The following MYO1D variants were observed in gnomAD, a reference collection of about 807,000 sequenced individuals.
MYO1D encodes myosin ID.
In MYO1D, 83 loss-of-function variants were observed where a neutral mutation model predicts 122.0. The ratio of observed to expected loss-of-function variants is 0.68; its 90% CI spans 0.57 to 0.82. The LOEUF (loss-of-function observed/expected upper bound fraction) is 0.82, where lower values mean the gene tolerates loss of function less well. Among genes scored for constraint, MYO1D ranks in the 40% least tolerant of loss-of-function variants. The pLI is 0.00. For missense variants in MYO1D, 1,157 were observed against 1,269.5 expected, an observed-to-expected ratio of 0.91 and a Z score of 1.35; for synonymous variants, 464 against 446.9, an observed-to-expected ratio of 1.04 and a Z score of -0.48.
In MYO1D at chr17:32,812,706, C is replaced by T. The variant is rs566706956; in HGVS notation, c.96-31922G>A. Reference sequence around the variant, plus strand: ...GACAACGGAGAGGACTGCAGAAGTTCCAGCAGACACTGGGCACCAACTTCA... The same window carrying T: ...GACAACGGAGAGGACTGCAGAAGTTTCAGCAGACACTGGGCACCAACTTCA... On this transcript the variant is annotated intron_variant, in intron 1 of 21. Transcript: ENST00000318217. Among the ~76,000 whole-genome samples, 7 of 152,274 alleles carry T rather than the reference C, an allele frequency of 4.6e-5. No homozygotes were observed. In the South Asian group the frequency reaches 6.2e-4, roughly 14 times the overall value.
intron 21 of MYO1D, among the ~76,000 whole-genome samples, chr17:32,500,082 G>C (rs1037817544): frequency 1.4e-4 from 21 of 152,216 alleles, no homozygotes; most frequent in African/African-American, 4.8e-4. Flanking sequence ...GGGAGGGGAG[G>C]CGTCTTACAC....
At chr17:32,874,302 C>CTCTCTCTCTCTCTCTGTGTCTCTG (rs1555550658) in intron 1 of MYO1D, among the ~76,000 whole-genome samples, 10 of 146,282 alleles carry the variant, frequency 6.8e-5, no homozygotes, top group Admixed American at 5.5e-4. Context: ...CTGTCTCTGT[C>CTCTCTCTCTCTCTCTGTGTCTCTG]TCTCTCTCTC....
intron 1 of MYO1D, among the ~76,000 whole-genome samples, chr17:32,851,126 C>A (rs985151089): frequency 1.7e-4 from 26 of 152,114 alleles, no homozygotes; most frequent in Non-Finnish European, 3.5e-4. Flanking sequence ...TCAACAGCTC[C>A]CAAATCAGAA....
chr17:32,853,457 T>C (rs1048930962), intron 1 of MYO1D, among the ~76,000 whole-genome samples: 4 of 152,210 alleles, frequency 2.6e-5, no homozygotes, highest in African/African-American at 9.7e-5. Context: ...GCTCACACTT[T>C]AGTTCAAACA....
At chr17:32,664,618 CG>C (rs2088612253) in intron 16 of MYO1D, among the ~76,000 whole-genome samples, 1 of 151,980 alleles carries the variant, frequency 6.6e-6, no homozygotes, top group Non-Finnish European at 1.5e-5. Flanking sequence ...CTGGGACCTG[CG>C]AGGTGAAGTC....
intron 20 of MYO1D, among the ~76,000 whole-genome samples, chr17:32,627,420 C>T (rs1054953434): frequency 4.6e-5 from 7 of 152,020 alleles, no homozygotes; most frequent in Non-Finnish European, 1.0e-4. Context: ...GACCGGCGGG[C>T]GGATGGATTT....
At chr17:32,627,235 A>G (rs1289991530) in intron 20 of MYO1D, among the ~76,000 whole-genome samples, 2 of 152,248 alleles carry the variant, frequency 1.3e-5, no homozygotes, top group Non-Finnish European at 2.9e-5. Flanking sequence ...AAAGAGAACT[A>G]ATAAATATAG....
chr17:32,519,609 C>A (rs940855545), intron 21 of MYO1D, among the ~76,000 whole-genome samples: 1 of 151,792 alleles, frequency 6.6e-6, no homozygotes, highest in African/African-American at 2.4e-5. Context: ...TGCAGCCCCC[C>A]GCAGCCCCGG....
intron 15 of MYO1D, among the ~76,000 whole-genome samples, chr17:32,712,895 T>C (rs2089396849): frequency 6.6e-6 from 1 of 152,094 alleles, no homozygotes; most frequent in Non-Finnish European, 1.5e-5. Flanking sequence ...AAAAGTGACA[T>C]CCTATCACTT....
chr17:32,764,741 T>C, intron 8 of MYO1D, 137 bp downstream of exon 8: 1 of 919,138 alleles, frequency 1.1e-6, no homozygotes, highest in Non-Finnish European at 1.6e-6. Context: ...CCGAGGCTTG[T>C]ATGGCCAGAA....
At chr17:32,528,652 T>A (rs931732371) in intron 21 of MYO1D, among the ~76,000 whole-genome samples, 1 of 152,076 alleles carries the variant, frequency 6.6e-6, no homozygotes, top group African/African-American at 2.4e-5. Context: ...ATTATCCAGG[T>A]GGACCCTAGA....
intron 13 of MYO1D, 102 bp downstream of exon 13, chr17:32,745,109 G>A: frequency 1.5e-6 from 1 of 684,364 alleles, no homozygotes. Context: ...ACAAGAAAAT[G>A]TGCCAGAAAC....
intron 13 of MYO1D, among the ~76,000 whole-genome samples, chr17:32,741,097 G>A (rs2089767170): frequency 6.6e-6 from 1 of 151,904 alleles, no homozygotes; most frequent in African/African-American, 2.4e-5. Context: ...GTGTAGTGGT[G>A]CATGCCTGTA....
chr17:32,822,653 C>G (rs1249984464), intron 1 of MYO1D, among the ~76,000 whole-genome samples: 1 of 149,358 alleles, frequency 6.7e-6, no homozygotes, highest in Non-Finnish European at 1.5e-5. Context: ...CCGCGCGGGC[C>G]CCGGTGGGGC....
chr17:32,635,401 T>C (rs1324022707), intron 20 of MYO1D, among the ~76,000 whole-genome samples: 2 of 152,034 alleles, frequency 1.3e-5, no homozygotes, highest in African/African-American at 4.8e-5. Flanking sequence ...CTGGTACCTT[T>C]ACTAAAATAA....
intron 13 of MYO1D, among the ~76,000 whole-genome samples, chr17:32,740,080 C>T (rs2151003661): frequency 6.6e-6 from 1 of 152,270 alleles, no homozygotes; most frequent in South Asian, 2.1e-4. Context: ...TATTGTTTTT[C>T]CTTAACTTTT....
chr17:32,649,535 C>A (rs1310084147), intron 19 of MYO1D, among the ~76,000 whole-genome samples: 1 of 150,398 alleles, frequency 6.6e-6, no homozygotes, highest in Non-Finnish European at 1.5e-5. Flanking sequence ...GCTTTTTATC[C>A]ATTGTATGGC....
At chr17:32,585,891 T>C (rs1018063150) in intron 21 of MYO1D, among the ~76,000 whole-genome samples, 3 of 151,828 alleles carry the variant, frequency 2.0e-5, no homozygotes, top group Non-Finnish European at 4.4e-5. Context: ...AGACCAAAAA[T>C]AAAAAATATT....
Position 32,642,244 on chromosome 17 carries a change from T to A in MYO1D, c.2596-3409A>T, listed in dbSNP as rs555762938. ...TTGTCAAAGATCAGATAGTTGTAGA[T>A]GTGTGGTATTATTTCTGAGGGCTCT... On this transcript the variant is annotated intron_variant, in intron 19 of 21. Coordinates refer to ENST00000318217, the MANE Select transcript of MYO1D (RefSeq NM_015194.3). 8.3e-3 allele frequency among the ~76,000 whole-genome samples: 1,264 copies of A among 152,316 alleles called. 6 individuals carry two copies. Among genetic ancestry groups the A allele is most frequent in the Middle Eastern group, 0.037 (11 of 294 alleles).
Sources: allele counts gnomAD v4.1 joint callset (sites outside exome capture counted in the v4.1 genomes callset), GRCh38; gene constraint gnomAD v4.1.1; transcripts MANE v1.5; gene names NCBI Gene and HGNC (gene_info 2026-07-23, HGNC 2026-07-21).